The following ZNF438 variants were observed in gnomAD, a reference collection of about 807,000 sequenced individuals.
ZNF438 encodes the protein zinc finger protein 438.
A neutral mutation model predicts 38.0 loss-of-function variants in ZNF438; 25 were observed. That is an observed-to-expected ratio of 0.66 (90% CI 0.48 to 0.92). The LOEUF is 0.92. Among genes scored for constraint, ZNF438 ranks in the 40% least tolerant of loss-of-function variants. The probability of loss-of-function intolerance (pLI) is 0.00; values close to 1 mark genes in which losing one functional copy is unlikely to be tolerated. For missense variants in ZNF438, 1,007 were observed against 999.6 expected, an observed-to-expected ratio of 1.01 and a Z score of -0.10; for synonymous variants, 372 against 364.1, an observed-to-expected ratio of 1.02 and a Z score of -0.25.
intron 3 of ZNF438, among the ~76,000 whole-genome samples, chr10:30,894,006 G>A (rs1473588236): frequency 6.6e-6 from 1 of 152,146 alleles, no homozygotes; most frequent in Non-Finnish European, 1.5e-5. Flanking sequence ...ATACTGTACT[G>A]TTGCACACAG....
At chr10:30,844,836 CA>C (rs1409500159) in exon 6 of ZNF438, 2 of 1,212,034 alleles carry the variant, frequency 1.7e-6, no homozygotes, top group African/African-American at 3.0e-5. Context: ...GTACAAAAAT[CA>C]TTTCTGTTCA....
At chr10:31,009,491 G>T (rs1273937648) in intron 1 of ZNF438, among the ~76,000 whole-genome samples, 1 of 152,136 alleles carries the variant, frequency 6.6e-6, no homozygotes, top group Non-Finnish European at 1.5e-5. Context: ...TTATACCAAG[G>T]ATAGTTCATT....
intron 1 of ZNF438, among the ~76,000 whole-genome samples, chr10:30,948,990 C>A (rs1589364880): frequency 6.6e-6 from 1 of 152,168 alleles, no homozygotes; most frequent in Non-Finnish European, 1.5e-5. Flanking sequence ...ATGTTAACGG[C>A]AGCCAGAGAG....
At chr10:30,927,925 G>A (rs2045153202) in intron 2 of ZNF438, among the ~76,000 whole-genome samples, 1 of 152,080 alleles carries the variant, frequency 6.6e-6, no homozygotes, top group Non-Finnish European at 1.5e-5. Context: ...AGACTAGTTG[G>A]TCCAGTTTTT....
chr10:31,008,080 C>T (rs1254372264), intron 1 of ZNF438, among the ~76,000 whole-genome samples: 2 of 152,070 alleles, frequency 1.3e-5, no homozygotes, highest in East Asian at 1.9e-4. Flanking sequence ...TCAACATTTT[C>T]AATATTTTAT....
intron 4 of ZNF438, among the ~76,000 whole-genome samples, chr10:30,858,916 C>T (rs545583089): frequency 1.3e-5 from 2 of 152,284 alleles, no homozygotes; most frequent in South Asian, 4.1e-4. Flanking sequence ...CCTCACTTCG[C>T]AGGGAAGGAA....
intron 3 of ZNF438, among the ~76,000 whole-genome samples, chr10:30,896,295 C>CAAAAAAAAAAAAAA: frequency 9.3e-6 from 1 of 107,058 alleles, no homozygotes; most frequent in Non-Finnish European, 1.9e-5. Flanking sequence ...GACTCCATCT[C>CAAAAAAAAAAAAAA]AAAAAAAAAA....
At chr10:31,012,777 C>G (rs964676543) in intron 1 of ZNF438, among the ~76,000 whole-genome samples, 1 of 152,162 alleles carries the variant, frequency 6.6e-6, no homozygotes, top group Non-Finnish European at 1.5e-5. Flanking sequence ...TCCATTGTAA[C>G]CCAGAATCTG....
intron 1 of ZNF438, among the ~76,000 whole-genome samples, chr10:30,942,306 C>A (rs762437095): frequency 6.6e-6 from 1 of 152,024 alleles, no homozygotes; most frequent in Non-Finnish European, 1.5e-5. Context: ...TAAAGAGGCA[C>A]CAAGGGTGTT....
At position 31,001,938 on chromosome 10, in the gene ZNF438, T is replaced by C. The variant is rs141065576; in HGVS notation, c.-192+29895A>G. ...TGCCGAATGCAAATCAGAGTGCTCA[T>C]TGGCAGGGCTGAGTAAGAAGGGATG... On this transcript the variant is annotated intron_variant, in intron 1 of 5. Coordinates refer to ENST00000413025, the Ensembl canonical transcript of ZNF438. Among the ~76,000 whole-genome samples, 902 of 152,294 alleles carry C rather than the reference T, an allele frequency of 5.9e-3. 6 individuals carry two copies. The highest frequency in any genetic ancestry group is 0.02 in the African/African-American group (840 of 41,560).
At chr10:30,862,291 C>T (rs1197008622) in intron 4 of ZNF438, among the ~76,000 whole-genome samples, 1 of 151,976 alleles carries the variant, frequency 6.6e-6, no homozygotes, top group Non-Finnish European at 1.5e-5. Flanking sequence ...AAAAATGGGC[C>T]CTTTTTCTTT....
At chr10:30,857,673 C>T (rs2034893896) in intron 4 of ZNF438, 8 of 1,506,132 alleles carry the variant, frequency 5.3e-6, no homozygotes, top group Non-Finnish European at 7.2e-6. Context: ...TTGAATTTGC[C>T]ACTTACTATC....
At chr10:30,852,836 T>C (rs942411193) in intron 4 of ZNF438, among the ~76,000 whole-genome samples, 7 of 152,234 alleles carry the variant, frequency 4.6e-5, no homozygotes, top group African/African-American at 1.7e-4. Flanking sequence ...TATGGGTAAA[T>C]TGAGTGGTAA....
intron 4 of ZNF438, among the ~76,000 whole-genome samples, chr10:30,857,410 A>G (rs1013810778): frequency 2.6e-5 from 4 of 152,110 alleles, no homozygotes; most frequent in African/African-American, 9.7e-5. Context: ...ATGTGCCACC[A>G]TGCCCAGCTA....
intron 3 of ZNF438, among the ~76,000 whole-genome samples, chr10:30,893,177 T>A (rs576252280): frequency 6.6e-6 from 1 of 152,328 alleles, no homozygotes; most frequent in East Asian, 1.9e-4. Flanking sequence ...TAGGAATTTT[T>A]CAATCAAATA....
At chr10:30,863,562 A>G (rs1053531340) in intron 4 of ZNF438, among the ~76,000 whole-genome samples, 1 of 152,188 alleles carries the variant, frequency 6.6e-6, no homozygotes, top group Non-Finnish European at 1.5e-5. Context: ...TCTTTTAGTG[A>G]TGACTATGAA....
At chr10:30,958,829 A>G (rs1003294343) in intron 1 of ZNF438, among the ~76,000 whole-genome samples, 1 of 147,280 alleles carries the variant, frequency 6.8e-6, no homozygotes, top group African/African-American at 2.4e-5. Context: ...TATTGAGTCT[A>G]GTTCCTTTCA....
chr10:30,988,129 G>GT lies in ZNF438; in HGVS notation c.-192+43703dup, dbSNP rs534416448. 1.1e-4 allele frequency among the ~76,000 whole-genome samples: 17 copies of GT among 151,536 alleles called. 1 individual carries two copies. In the Middle Eastern group the frequency reaches 0.014, roughly 121 times the overall value. On this transcript the variant is annotated intron_variant, in intron 1 of 5. Coordinates refer to ENST00000413025, the Ensembl canonical transcript of ZNF438. Reference sequence around the variant, plus strand: ...AAAGGTGCTGTAAATCGAGTTTACTGTTTTTTTTAATAGTAGCTTTGAAAA... The same window carrying GT: ...AAAGGTGCTGTAAATCGAGTTTACTGTTTTTTTTTAATAGTAGCTTTGAAAA...
In ZNF438 at chr10:30,942,714, G is replaced by GT. The variant is rs557135738; in HGVS notation, c.-191-1064dup. Among the ~76,000 whole-genome samples, 308 of 151,676 alleles carry GT rather than the reference G, an allele frequency of 2.0e-3. 2 individuals carry two copies. The highest frequency in any genetic ancestry group is 7.1e-3 in the African/African-American group (293 of 41,012). ...TTCTGATATCCTGTCCTAGAATTTC[G>GT]TATCTCCAACCTATAATAAAAATCT... On this transcript the variant is annotated intron_variant, in intron 1 of 5. Coordinates refer to ENST00000413025, the Ensembl canonical transcript of ZNF438.
Sources: allele counts gnomAD v4.1 joint callset (sites outside exome capture counted in the v4.1 genomes callset), GRCh38; gene constraint gnomAD v4.1.1; transcripts MANE v1.5; gene names NCBI Gene and HGNC (gene_info 2026-07-23, HGNC 2026-07-21).